PLSCR2: variants seen among roughly 807,000 people sequenced by gnomAD.
The protein encoded by PLSCR2 is phospholipid scramblase 2.
Under a neutral mutation model 25.3 loss-of-function variants are expected in PLSCR2, and 18 were observed. That is an observed-to-expected ratio of 0.71 (90% CI 0.49 to 1.06). The LOEUF is 1.06. PLSCR2 is among the 50% of genes least tolerant of loss of function. The probability of loss-of-function intolerance (pLI) is 0.00; values close to 1 mark genes in which losing one functional copy is unlikely to be tolerated. For synonymous variants in PLSCR2, 88 were observed against 87.3 expected (o/e 1.01, Z -0.04); for missense variants, 243 against 269.5 (o/e 0.90, Z 0.69).
intron 6 of PLSCR2, among the ~76,000 whole-genome samples, chr3:146,443,940 G>A (rs1046590958): frequency 5.3e-5 from 8 of 151,680 alleles, no homozygotes; most frequent in Non-Finnish European, 8.9e-5. Context: ...TGTATCCCAT[G>A]GCTTTTGGTA....
At chr3:146,459,324 A>G (rs2041414524) in intron 2 of PLSCR2, among the ~76,000 whole-genome samples, 1 of 152,216 alleles carries the variant, frequency 6.6e-6, no homozygotes, top group African/African-American at 2.4e-5. Flanking sequence ...TAAACTTTAC[A>G]TGTCTTTTAA....
intron 1 of PLSCR2, among the ~76,000 whole-genome samples, chr3:146,472,617 A>AT (rs72279847): frequency 1.7e-3 from 257 of 151,260 alleles, no homozygotes; most frequent in African/African-American, 5.6e-3. Flanking sequence ...TCTTTCTTTC[A>AT]TTTTTTTTTA....
At chr3:146,431,159 G>T (rs1444576646), downstream of PLSCR2, among the ~76,000 whole-genome samples, 1 of 152,126 alleles carries the variant, frequency 6.6e-6, no homozygotes, top group Non-Finnish European at 1.5e-5. Context: ...GAAGGGCTGT[G>T]TAAAGGAGAC....
At chr3:146,400,421 T>C (rs1222710873) in intron 2 of PLSCR2, among the ~76,000 whole-genome samples, 1 of 151,450 alleles carries the variant, frequency 6.6e-6, no homozygotes, top group Non-Finnish European at 1.5e-5. Context: ...TAAATTTATT[T>C]GTAATATAAT....
upstream of PLSCR2, chr3:146,462,104 T>G: frequency 2.1e-6 from 1 of 478,208 alleles, no homozygotes; most frequent in Non-Finnish European, 3.7e-6. Flanking sequence ...GTCTATACAT[T>G]TGTAGGTCCA....
chr3:146,396,040 AT>A, intron 2 of PLSCR2: 1 of 183,232 alleles, frequency 5.5e-6, no homozygotes. Flanking sequence ...GTACCCAACA[AT>A]TTACAAAATA....
At chr3:146,392,967 T>A in intron 3 of PLSCR2, among the ~76,000 whole-genome samples, 1 of 151,480 alleles carries the variant, frequency 6.6e-6, no homozygotes, top group Admixed American at 6.6e-5. Flanking sequence ...TTACATATTT[T>A]AAAGTATTTT....
intron 2 of PLSCR2, among the ~76,000 whole-genome samples, chr3:146,397,587 G>A (rs968710836): frequency 6.6e-5 from 10 of 152,104 alleles, no homozygotes; most frequent in Non-Finnish European, 1.3e-4. Context: ...TTACCCAAGA[G>A]TGCCAGCTTT....
chr3:146,398,491 A>C (rs2038348014), intron 2 of PLSCR2, among the ~76,000 whole-genome samples: 1 of 150,666 alleles, frequency 6.6e-6, no homozygotes, highest in Non-Finnish European at 1.5e-5. Context: ...CTTTTAAATA[A>C]GGACGCTGTG....
chr3:146,485,721 T>G (rs2043315775), intron 1 of PLSCR2, among the ~76,000 whole-genome samples: 1 of 151,976 alleles, frequency 6.6e-6, no homozygotes, highest in African/African-American at 2.4e-5. Context: ...TGTATTCATC[T>G]GTTTTCATGC....
intron 5 of PLSCR2, among the ~76,000 whole-genome samples, chr3:146,453,686 T>C (rs2041028214): frequency 6.6e-6 from 1 of 152,186 alleles, no homozygotes; most frequent in Non-Finnish European, 1.5e-5. Flanking sequence ...CAGACTTAGA[T>C]GACAAGGTTA....
chr3:146,418,387 T>A (rs1274129485), intron 2 of PLSCR2, among the ~76,000 whole-genome samples: 1 of 152,136 alleles, frequency 6.6e-6, no homozygotes, highest in Non-Finnish European at 1.5e-5. Flanking sequence ...CTTGCATCGG[T>A]TGTGACTGTG....
intron 2 of PLSCR2, among the ~76,000 whole-genome samples, chr3:146,420,583 G>T (rs1006700046): frequency 6.6e-6 from 1 of 151,956 alleles, no homozygotes; most frequent in Non-Finnish European, 1.5e-5. Flanking sequence ...TTTTCTCAAA[G>T]AATCTCAACT....
chr3:146,459,317 A>C (rs2041413222), intron 2 of PLSCR2, among the ~76,000 whole-genome samples: 1 of 152,186 alleles, frequency 6.6e-6, no homozygotes, highest in Admixed American at 6.5e-5. Context: ...TCAACTCTAA[A>C]CTTTACATGT....
At chr3:146,421,768 C>A (rs986785628) in intron 2 of PLSCR2, among the ~76,000 whole-genome samples, 3 of 152,110 alleles carry the variant, frequency 2.0e-5, no homozygotes, top group African/African-American at 7.2e-5. Context: ...TGTGACAACA[C>A]AATTGGTAGG....
chr3:146,401,187 T>A (rs2038461482), intron 2 of PLSCR2, among the ~76,000 whole-genome samples: 1 of 151,912 alleles, frequency 6.6e-6, no homozygotes, highest in South Asian at 2.1e-4. Context: ...CTAGAAAAAA[T>A]TTGCAATGTT....
chr3:146,466,268 T>G (rs1268645072), intron 1 of PLSCR2, among the ~76,000 whole-genome samples: 1 of 152,164 alleles, frequency 6.6e-6, no homozygotes, highest in East Asian at 1.9e-4. Flanking sequence ...CCTCCTAGGT[T>G]CAAGCAATTC....
At chr3:146,475,310 C>T (rs1426055243) in intron 1 of PLSCR2, among the ~76,000 whole-genome samples, 1 of 151,908 alleles carries the variant, frequency 6.6e-6, no homozygotes, top group African/African-American at 2.4e-5. Flanking sequence ...GCTGCTGACC[C>T]TTGCATGGGG....
chr3:146,412,699 A>G (rs1236817466), intron 2 of PLSCR2, among the ~76,000 whole-genome samples: 1 of 152,200 alleles, frequency 6.6e-6, no homozygotes, highest in Non-Finnish European at 1.5e-5. Context: ...GCACACCTGA[A>G]CAAGGGAGGG....
Sources: gnomAD v4.1 joint callset for allele counts (sites outside exome capture counted in the v4.1 genomes callset) on GRCh38, gnomAD v4.1.1 for gene constraint, MANE v1.5 for transcripts, NCBI Gene and HGNC (gene_info 2026-07-23, HGNC 2026-07-21) for gene names.